Variants in CTNNA1 observed in about 807,000 individuals in gnomAD.
CTNNA1 encodes the protein catenin alpha-1.
Under a neutral mutation model 98.4 loss-of-function variants are expected in CTNNA1, and 37 were observed. That is an observed-to-expected ratio of 0.38 (90% CI 0.29 to 0.49). The LOEUF (loss-of-function observed/expected upper bound fraction) is 0.49. Ranked by LOEUF, CTNNA1 falls within the 20% of genes least tolerant of loss-of-function variation. CTNNA1 has a pLI of 0.95. For missense variants in CTNNA1, 761 were observed against 1,147.2 expected (o/e 0.66, Z 4.86); for synonymous variants, 404 against 413.2 (o/e 0.98, Z 0.27).
chr5:138,825,482 G>GTTTTGTTTTTTTTTTTTTTT (rs1760581190), intron 6 of CTNNA1, among the ~76,000 whole-genome samples: 24 of 74,116 alleles, frequency 3.2e-4, no homozygotes, highest in African/African-American at 1.3e-3. Flanking sequence ...AGCAGTATAA[G>GTTTTGTTTTTTTTTTTTTTT]TTTTTTTTTT....
intron 1 of CTNNA1, among the ~76,000 whole-genome samples, chr5:138,755,911 G>A (rs1751595433): frequency 7.0e-6 from 1 of 143,316 alleles, no homozygotes; most frequent in South Asian, 2.2e-4. Context: ...CCCAGGCTGG[G>A]GTTCAGTGAG....
At chr5:138,889,534 C>T (rs1295595930) in intron 9 of CTNNA1, among the ~76,000 whole-genome samples, 1 of 152,038 alleles carries the variant, frequency 6.6e-6, no homozygotes, top group Non-Finnish European at 1.5e-5. Context: ...ATTGAGTGGG[C>T]GAGGAAGTAT....
chr5:138,896,837 C>T (rs751159760), intron 9 of CTNNA1, among the ~76,000 whole-genome samples: 3 of 152,140 alleles, frequency 2.0e-5, no homozygotes, highest in African/African-American at 7.2e-5. Flanking sequence ...AGAATTTATT[C>T]GCTATCAGAA....
intron 3 of CTNNA1, among the ~76,000 whole-genome samples, chr5:138,787,472 T>C (rs1755836893): frequency 6.6e-6 from 1 of 152,196 alleles, no homozygotes; most frequent in South Asian, 2.1e-4. Flanking sequence ...TGCTGTTGAT[T>C]TGGGAAGCAG....
intron 1 of CTNNA1, among the ~76,000 whole-genome samples, chr5:138,758,696 C>T (rs375088989): frequency 2.6e-5 from 4 of 152,002 alleles, no homozygotes; most frequent in African/African-American, 4.8e-5. Flanking sequence ...TTTTAAAATA[C>T]ATTATTTTCT....
At chr5:138,825,482 G>GAAAAAAATTTTTTTTTTTTTTTT (rs1760578153) in intron 6 of CTNNA1, among the ~76,000 whole-genome samples, 1 of 74,114 alleles carries the variant, frequency 1.3e-5, no homozygotes, top group Non-Finnish European at 2.4e-5. Flanking sequence ...AGCAGTATAA[G>GAAAAAAATTTTTTTTTTTTTTTT]TTTTTTTTTT....
At position 138,917,832 on chromosome 5, in the gene CTNNA1, C is replaced by A. The variant is rs1356240181; in HGVS notation, c.1480C>A (p.Gln494Lys). Residue 494 changes from glutamine to lysine, a missense_variant, in exon 11 of 18, where the codon CAA (glutamine) becomes AAA (lysine). This residue lies in a region of CTNNA1 where 287 missense variants were observed against 436.0 expected (regional missense o/e 0.66). Coordinates refer to ENST00000302763, the MANE Select transcript of CTNNA1 (RefSeq NM_001903.5). ...MDLFKEQWEK[Q>K]VRVLTDAVDD... ...TCTTTTTAAAGAACAATGGGAAAAA[C>A]AAGTCCGTGTTCTCACAGATGCTGT... 1.2e-6 allele frequency: 2 copies of A among 1,614,152 alleles called. No homozygotes were observed. The highest frequency in any genetic ancestry group is 3.3e-5 in the Admixed American group (2 of 60,026).
chr5:138,890,135 G>A (rs1460337785), intron 9 of CTNNA1, among the ~76,000 whole-genome samples: 2 of 152,216 alleles, frequency 1.3e-5, no homozygotes, highest in African/African-American at 4.8e-5. Context: ...TCCCTGGGGT[G>A]TAAGGGAAGT....
At chr5:138,872,050 G>GTA (rs1390336467) in intron 7 of CTNNA1, 1 of 137,626 alleles carries the variant, frequency 7.3e-6, no homozygotes, top group Non-Finnish European at 1.6e-5. Flanking sequence ...GTGTGTGTGT[G>GTA]TGTGTGTGTG....
At chr5:138,877,999 G>A (rs1752037842) in intron 7 of CTNNA1, among the ~76,000 whole-genome samples, 1 of 152,150 alleles carries the variant, frequency 6.6e-6, no homozygotes, top group Non-Finnish European at 1.5e-5. Context: ...TTGGTTTTTA[G>A]TCTGCTTGGC....
chr5:138,782,059 A>G, intron 2 of CTNNA1, 30 bp downstream of exon 2: 1 of 1,597,542 alleles, frequency 6.3e-7, no homozygotes, highest in Non-Finnish European at 8.5e-7. Context: ...AATACATTGT[A>G]ACATGGTTCT....
chr5:138,800,633 G>GA (rs1043756808), intron 3 of CTNNA1, among the ~76,000 whole-genome samples: 20 of 150,576 alleles, frequency 1.3e-4, no homozygotes, highest in East Asian at 9.8e-4. Flanking sequence ...TGTCTCTATT[G>GA]AAAAAAAAAG....
At chr5:138,923,103 G>A (rs1763261233) in intron 11 of CTNNA1, among the ~76,000 whole-genome samples, 1 of 152,132 alleles carries the variant, frequency 6.6e-6, no homozygotes, top group South Asian at 2.1e-4. Flanking sequence ...CTATCAACAT[G>A]ATTTCTTTCA....
chr5:138,931,071 C>T, intron 16 of CTNNA1, 136 bp downstream of exon 16: 1 of 646,434 alleles, frequency 1.5e-6, no homozygotes, highest in Non-Finnish European at 2.8e-6. Context: ...TTATTAATCC[C>T]AGCATAGATT....
chr5:138,917,919 A>G, intron 11 of CTNNA1, 21 bp downstream of exon 11: 1 of 1,612,200 alleles, frequency 6.2e-7, no homozygotes, highest in Non-Finnish European at 8.5e-7. Flanking sequence ...GGTTCCCCAG[A>G]GAAGTATGTG....
Position 138,919,967 on chromosome 5 carries a change from ATTTTTTTTTTTT to A in CTNNA1, c.1546+2084_1546+2095del, listed in dbSNP as rs34990349. On this transcript the variant is annotated intron_variant, in intron 11 of 17. Transcript: ENST00000302763. ...TCCCTTACCCATGGTAGCTTTGGCAATTTTTTTTTTTTTTTTTTTTTTTTTTGAGACGGAGCT... is the reference window on the plus strand; with the variant it reads ...TCCCTTACCCATGGTAGCTTTGGCAATTTTTTTTTTTTTTGAGACGGAGCT... 7.7e-4 allele frequency among the ~76,000 whole-genome samples: 61 copies of A among 79,434 alleles called. No individual in the cohort carries two copies. In the Admixed American group the frequency reaches 7.9e-3, roughly 10 times the overall value. The allele number at this position is 79,434 out of a possible 152,430, so 52.1% of individuals were successfully genotyped here.
chr5:138,904,592 G>C, intron 10 of CTNNA1, 151 bp downstream of exon 10: 1 of 1,029,422 alleles, frequency 9.7e-7, no homozygotes, highest in Non-Finnish European at 1.4e-6. Context: ...CACATAGTTT[G>C]GAATATTTTT....
At chr5:138,786,949 C>T (rs939590965) in intron 3 of CTNNA1, among the ~76,000 whole-genome samples, 3 of 152,188 alleles carry the variant, frequency 2.0e-5, no homozygotes, top group Non-Finnish European at 2.9e-5. Flanking sequence ...TGAGCATTTA[C>T]GTAAAACCCT....
intron 1 of CTNNA1, 104 bp from the exon 2 acceptor site, chr5:138,781,819 A>G: frequency 5.7e-6 from 6 of 1,047,330 alleles, no homozygotes; most frequent in Non-Finnish European, 8.0e-6. Flanking sequence ...TCTATAGTGA[A>G]TATAGCTTTC....
Sources: allele counts gnomAD v4.1 joint callset (sites outside exome capture counted in the v4.1 genomes callset), GRCh38; gene constraint gnomAD v4.1.1; regional missense constraint gnomAD v4.1.1; transcripts MANE v1.5; gene names NCBI Gene and HGNC (gene_info 2026-07-23, HGNC 2026-07-21).